The following ACYP2 variants were observed in gnomAD, a reference collection of about 807,000 sequenced individuals.
The protein encoded by ACYP2 is acylphosphatase 2.
In ACYP2, 12 loss-of-function variants were observed where a neutral mutation model predicts 11.2. That is an observed-to-expected ratio of 1.08 (90% CI 0.69 to 1.74). The LOEUF (loss-of-function observed/expected upper bound fraction) is 1.74. Ranked by LOEUF, ACYP2 falls within the 40% of genes most tolerant of loss-of-function variation. The pLI is 0.00. For synonymous variants in ACYP2, 43 were observed against 32.2 expected, an observed-to-expected ratio of 1.33 and a Z score of -1.13; for missense variants, 134 against 101.9, an observed-to-expected ratio of 1.31 and a Z score of -1.35.
chr2:54,048,885 C>T (rs956912716), intron 2 of ACYP2, among the ~76,000 whole-genome samples: 2 of 152,154 alleles, frequency 1.3e-5, no homozygotes, highest in East Asian at 3.8e-4. Context: ...AGGGTAGGTG[C>T]ACCTCAGGGC....
At chr2:54,139,184 C>A (rs975549958) in intron 6 of ACYP2, among the ~76,000 whole-genome samples, 1 of 152,124 alleles carries the variant, frequency 6.6e-6, no homozygotes, top group Non-Finnish European at 1.5e-5. Context: ...TCTCCTCCAG[C>A]GTTAGGGAGA....
At chr2:54,043,058 T>C (rs1283737699) in intron 2 of ACYP2, among the ~76,000 whole-genome samples, 1 of 151,072 alleles carries the variant, frequency 6.6e-6, no homozygotes, top group African/African-American at 2.5e-5. Flanking sequence ...TTGGTTAATA[T>C]GGGGTGTGTG....
chr2:54,017,272 CTTT>C (rs143681564), intron 2 of ACYP2, among the ~76,000 whole-genome samples: 5 of 123,124 alleles, frequency 4.1e-5, no homozygotes, highest in Admixed American at 8.2e-5. Context: ...CTTTTCTTTT[CTTT>C]TTTTTTTTTT....
At chr2:53,987,902 C>T (rs181306077) in intron 2 of ACYP2, among the ~76,000 whole-genome samples, 26 of 151,816 alleles carry the variant, frequency 1.7e-4, no homozygotes, top group African/African-American at 6.3e-4. Flanking sequence ...TTTGGGAGTT[C>T]TTTATATAGT....
intron 6 of ACYP2, among the ~76,000 whole-genome samples, chr2:54,197,797 G>T (rs1328250655): frequency 6.6e-6 from 1 of 152,158 alleles, no homozygotes; most frequent in East Asian, 1.9e-4. Flanking sequence ...AAAGACTGGG[G>T]AGGGACAGTC....
intron 4 of ACYP2, among the ~76,000 whole-genome samples, chr2:54,132,015 CAAGTGCTTTCTCTTTTCAT>C (rs568896168): frequency 1.9e-3 from 284 of 152,308 alleles, no homozygotes; most frequent in African/African-American, 6.4e-3. Context: ...ACTGCCATTG[CAAGTGCTTTCTCTTTTCAT>C]AACGCTAATA....
intron 6 of ACYP2, chr2:54,267,273 A>G: frequency 6.5e-7 from 1 of 1,546,592 alleles, no homozygotes; most frequent in Non-Finnish European, 8.7e-7. Flanking sequence ...AAGGAAATTC[A>G]GAATTTCCAT....
intron 4 of ACYP2, among the ~76,000 whole-genome samples, chr2:54,081,828 C>G (rs1342231422): frequency 6.6e-6 from 1 of 152,200 alleles, no homozygotes; most frequent in Non-Finnish European, 1.5e-5. Flanking sequence ...GGAGGGGTGA[C>G]TGGCCACAGG....
intron 4 of ACYP2, among the ~76,000 whole-genome samples, chr2:54,087,845 G>A (rs924152063): frequency 6.6e-6 from 1 of 152,192 alleles, no homozygotes; most frequent in South Asian, 2.1e-4. Context: ...AGATGCTAGA[G>A]ACAGATTCCC....
chr2:54,272,212 A>C (rs1418363467), intron 6 of ACYP2, among the ~76,000 whole-genome samples: 1 of 152,214 alleles, frequency 6.6e-6, no homozygotes, highest in Non-Finnish European at 1.5e-5. Context: ...TGCCCATGTT[A>C]GGCCCCAAGA....
chr2:54,163,590 C>A, intron 6 of ACYP2, among the ~76,000 whole-genome samples: 1 of 152,262 alleles, frequency 6.6e-6, no homozygotes. Flanking sequence ...GGCGGTGGCT[C>A]ACGCCCGTAA....
At chr2:54,162,899 G>C (rs1040865326) in intron 6 of ACYP2, among the ~76,000 whole-genome samples, 2 of 152,160 alleles carry the variant, frequency 1.3e-5, no homozygotes, top group Admixed American at 1.3e-4. Context: ...AAGGTGGGAG[G>C]ATTGCTTGAG....
At chr2:54,196,286 C>T (rs1463692528) in intron 6 of ACYP2, among the ~76,000 whole-genome samples, 1 of 152,140 alleles carries the variant, frequency 6.6e-6, no homozygotes, top group African/African-American at 2.4e-5. Context: ...AACCTCCGCT[C>T]ACTGCAATCT....
At chr2:54,013,363 C>T (rs912811251) in intron 2 of ACYP2, among the ~76,000 whole-genome samples, 2 of 151,124 alleles carry the variant, frequency 1.3e-5, no homozygotes, top group Non-Finnish European at 2.9e-5. Flanking sequence ...TGCAATGTCA[C>T]AATCTCGGCT....
chr2:54,219,815 G>GTATGTGTGTGTGTATATA, intron 6 of ACYP2, among the ~76,000 whole-genome samples: 1 of 111,132 alleles, frequency 9.0e-6, no homozygotes, highest in African/African-American at 3.1e-5. Context: ...GTGTGTTTGT[G>GTATGTGTGTGTGTATATA]TATGTGTGTG....
chr2:54,285,101 C>T (rs1052043183), intron 6 of ACYP2, among the ~76,000 whole-genome samples: 35 of 152,216 alleles, frequency 2.3e-4, no homozygotes, highest in African/African-American at 7.7e-4. Flanking sequence ...TGCCTTCCAG[C>T]TGTGCCCTCA....
In ACYP2 at chr2:54,000,071, A is replaced by C. The variant is rs967168323; in HGVS notation, c.62+26261A>C. ...TGGACAGAAATTATATTAATTTACT[A>C]TCTGTTATTTCAATATAATAGAAAT... On this transcript the variant is annotated intron_variant, in intron 2 of 6. Transcript: ENST00000607452. 7.2e-5 allele frequency among the ~76,000 whole-genome samples: 11 copies of C among 151,940 alleles called. No individual in the cohort carries two copies. The East Asian group carries it at 1.3e-3, about 19-fold the overall frequency.
intron 6 of ACYP2, among the ~76,000 whole-genome samples, chr2:54,147,833 T>C (rs1358799022): frequency 6.6e-6 from 1 of 152,194 alleles, no homozygotes; most frequent in African/African-American, 2.4e-5. Flanking sequence ...CCCCTCTGTT[T>C]TCCTACTAAT....
intron 6 of ACYP2, among the ~76,000 whole-genome samples, chr2:54,205,833 C>T (rs914104961): frequency 6.6e-6 from 1 of 152,152 alleles, no homozygotes; most frequent in African/African-American, 2.4e-5. Flanking sequence ...TATTCATCTG[C>T]AGCTAATTTT....
Sources: allele counts gnomAD v4.1 joint callset (sites outside exome capture counted in the v4.1 genomes callset), GRCh38; gene constraint gnomAD v4.1.1; transcripts MANE v1.5; gene names NCBI Gene and HGNC (gene_info 2026-07-23, HGNC 2026-07-21).